The following TOM1L2 variants were observed in gnomAD, a reference collection of about 807,000 sequenced individuals.
The protein encoded by TOM1L2 is target of myb1 like 2 membrane trafficking protein, also known as TOM1-like protein 2.
TOM1L2 carries 31 observed loss-of-function variants against 67.9 expected under a neutral mutation model. The observed-to-expected ratio is 0.46, with a 90% CI of 0.34 to 0.62. TOM1L2 has a LOEUF of 0.62. TOM1L2 is among the 20% of genes least tolerant of loss of function. The pLI is 0.01. For synonymous variants in TOM1L2, 256 were observed against 254.0 expected (o/e 1.01, Z -0.07); for missense variants, 606 against 663.5 (o/e 0.91, Z 0.95).
At chr17:17,908,910 C>T (rs1449767472) in intron 1 of TOM1L2, among the ~76,000 whole-genome samples, 2 of 152,168 alleles carry the variant, frequency 1.3e-5, no homozygotes, top group South Asian at 2.1e-4. Context: ...CAGCCAGGCG[C>T]GGTGGCTCAC....
At chr17:17,889,496 G>A (rs2038166024) in intron 4 of TOM1L2, among the ~76,000 whole-genome samples, 1 of 152,150 alleles carries the variant, frequency 6.6e-6, no homozygotes. Context: ...CTGCAGCTCT[G>A]CTTCCACCAT....
chr17:17,956,983 C>A (rs1007741973), intron 1 of TOM1L2, among the ~76,000 whole-genome samples: 3 of 152,192 alleles, frequency 2.0e-5, no homozygotes, highest in East Asian at 1.9e-4. Context: ...GCTGAGGAGG[C>A]GCCTGAGAGC....
intron 7 of TOM1L2, among the ~76,000 whole-genome samples, chr17:17,872,875 A>C (rs1400554048): frequency 1.4e-4 from 22 of 152,226 alleles, no homozygotes; most frequent in Admixed American, 1.4e-3. Flanking sequence ...GAAGGAAAAA[A>C]GTCAATCACT....
At chr17:17,934,247 C>T (rs760030159) in intron 1 of TOM1L2, among the ~76,000 whole-genome samples, 87 of 152,272 alleles carry the variant, frequency 5.7e-4, no homozygotes, top group Non-Finnish European at 1.1e-3. Context: ...GAGTTCAAGA[C>T]CAGCCTGGGC....
At chr17:17,928,074 A>C (rs2144672849) in intron 1 of TOM1L2, among the ~76,000 whole-genome samples, 1 of 152,262 alleles carries the variant, frequency 6.6e-6, no homozygotes, top group South Asian at 2.1e-4. Context: ...TGAATTGATA[A>C]TTGTAGAAGC....
At chr17:17,951,009 C>A (rs1479449982) in intron 1 of TOM1L2, among the ~76,000 whole-genome samples, 1 of 152,112 alleles carries the variant, frequency 6.6e-6, no homozygotes. Context: ...GGGGAAGATC[C>A]CTGGCAGGAT....
intron 1 of TOM1L2, among the ~76,000 whole-genome samples, chr17:17,923,174 G>C (rs899845246): frequency 2.6e-5 from 4 of 152,178 alleles, no homozygotes; most frequent in Admixed American, 6.5e-5. Flanking sequence ...AAGGCAGGCG[G>C]ATCGCCTGAG....
intron 1 of TOM1L2, among the ~76,000 whole-genome samples, chr17:17,961,108 TAGGCAC>T (rs2145014829): frequency 6.6e-6 from 1 of 152,252 alleles, no homozygotes; most frequent in African/African-American, 2.4e-5. Flanking sequence ...AATTAAAAAC[TAGGCAC>T]AGGACTTGAA....
intron 1 of TOM1L2, among the ~76,000 whole-genome samples, chr17:17,910,565 T>C (rs1239075396): frequency 2.6e-5 from 4 of 151,774 alleles, no homozygotes; most frequent in Non-Finnish European, 5.9e-5. Flanking sequence ...TTATTACTAT[T>C]ATTATTATTA....
intron 1 of TOM1L2, among the ~76,000 whole-genome samples, chr17:17,916,789 G>A (rs1184411160): frequency 7.2e-5 from 11 of 152,172 alleles, no homozygotes; most frequent in Non-Finnish European, 1.0e-4. Context: ...TTGGGAGGCC[G>A]AGGTGAGTGG....
At chr17:17,946,669 T>C (rs74786790) in intron 1 of TOM1L2, among the ~76,000 whole-genome samples, 3,647 of 152,296 alleles carry the variant, frequency 0.024, 121 homozygotes, top group African/African-American at 0.077. Context: ...GTGCAGAGGC[T>C]GCAGGAGGCC....
intron 1 of TOM1L2, among the ~76,000 whole-genome samples, chr17:17,967,809 C>T (rs1412534168): frequency 6.6e-6 from 1 of 152,018 alleles, no homozygotes; most frequent in Non-Finnish European, 1.5e-5. Context: ...GGTTTTGCCA[C>T]ATTAACCAGG....
rs563051881 is a variant in TOM1L2, at chr17:17,862,764, G to C, written c.1169C>G (p.Thr390Arg). 7.4e-6 allele frequency: 12 copies of C among 1,613,930 alleles called. No individual in the cohort carries two copies. In the South Asian group the frequency reaches 1.3e-4, roughly 18 times the overall value. Residue 390 changes from threonine (T) to arginine (R), a missense_variant, in exon 11 of 15, where the codon ACG (threonine) becomes AGG (arginine). By Grantham distance (71) the Thr-to-Arg change is moderately conservative. Around this residue, in one of 2 missense-constraint regions of TOM1L2, gnomAD observed 543 missense variants for 554.0 expected, o/e 0.98. Transcript: ENST00000379504. ...CTGCTCAGCCAAGGAGTTTCCTCTCGTCTGGGCAAACATGTCAAAGCCGTC... is the reference window on the plus strand; with the variant it reads ...CTGCTCAGCCAAGGAGTTTCCTCTCCTCTGGGCAAACATGTCAAAGCCGTC... ...PRDGFDMFAQ[T>R]RGNSLAEQRK...
intron 1 of TOM1L2, among the ~76,000 whole-genome samples, chr17:17,932,780 T>C (rs1230203456): frequency 6.6e-6 from 1 of 152,144 alleles, no homozygotes; most frequent in Non-Finnish European, 1.5e-5. Context: ...GGTTCTCCCA[T>C]TTTATTGTGC....
At chr17:17,862,690 C>T in intron 11 of TOM1L2, 41 bp downstream of exon 11, 9 of 1,535,792 alleles carry the variant, frequency 5.9e-6, no homozygotes, top group Non-Finnish European at 8.1e-6. Flanking sequence ...GGTCAATCCC[C>T]CCAATATCTT....
At chr17:17,946,582 A>C (rs1365137426) in intron 1 of TOM1L2, among the ~76,000 whole-genome samples, 1 of 152,168 alleles carries the variant, frequency 6.6e-6, no homozygotes, top group African/African-American at 2.4e-5. Flanking sequence ...TTTAAAACTT[A>C]ATCCTTTGCT....
intron 10 of TOM1L2, among the ~76,000 whole-genome samples, chr17:17,865,507 G>A (rs557083372): frequency 6.6e-6 from 1 of 151,912 alleles, no homozygotes; most frequent in East Asian, 1.9e-4. Context: ...CTCCTGAGTA[G>A]CTGGGACTAC....
rs1474553290 is a variant in TOM1L2 at position 17,847,563 on chromosome 17, A to G, written c.*72T>C. On this transcript the variant is annotated 3_prime_UTR_variant, in exon 15 of 15. Coordinates refer to ENST00000379504, the MANE Select transcript of TOM1L2 (RefSeq NM_001082968.2). ...GGCCGTGTGGAGCTGGGGATGTAGGAGTGGCCAGTGCCCGGTGTCCACGGG... is the reference window on the plus strand; with the variant it reads ...GGCCGTGTGGAGCTGGGGATGTAGGGGTGGCCAGTGCCCGGTGTCCACGGG... 6 of 1,530,612 alleles carry G rather than the reference A, an allele frequency of 3.9e-6. No homozygotes were observed. The South Asian group carries it at 6.3e-5, about 16-fold the overall frequency. The allele number at this position is 1,530,612 out of a possible 1,614,324, so 94.8% of individuals were successfully genotyped here.
chr17:17,890,904 G>A (rs1291179698), intron 4 of TOM1L2, among the ~76,000 whole-genome samples: 1 of 152,122 alleles, frequency 6.6e-6, no homozygotes, highest in African/African-American at 2.4e-5. Flanking sequence ...TATTCCATTG[G>A]TTCACCCTGT....
Sources: allele counts gnomAD v4.1 joint callset (sites outside exome capture counted in the v4.1 genomes callset), GRCh38; gene constraint gnomAD v4.1.1; regional missense constraint gnomAD v4.1.1; transcripts MANE v1.5; gene names NCBI Gene and HGNC (gene_info 2026-07-23, HGNC 2026-07-21).